Variants in SAMMSON observed in about 807,000 individuals in gnomAD.
SAMMSON encodes long intergenic non-protein coding RNA 1212.
chr3:70,226,408 G>T (rs1181190939), intron 4 of SAMMSON, among the ~76,000 whole-genome samples: 1 of 152,136 alleles, frequency 6.6e-6, no homozygotes. Context: ...ATATGCAGAA[G>T]GGTGTCTCAG....
intron 4 of SAMMSON, among the ~76,000 whole-genome samples, chr3:70,236,157 C>G (rs981788472): frequency 8.5e-5 from 13 of 152,192 alleles, no homozygotes; most frequent in African/African-American, 2.7e-4. Context: ...TTCTTCAACT[C>G]TCTCCTTCGC....
intron 3 of SAMMSON, among the ~76,000 whole-genome samples, chr3:70,030,004 A>G (rs2107583520): frequency 6.6e-6 from 1 of 152,298 alleles, no homozygotes; most frequent in East Asian, 1.9e-4. Context: ...CTTGATTTCA[A>G]TGATACTTTT....
intron 1 of SAMMSON, among the ~76,000 whole-genome samples, chr3:70,007,541 T>A (rs536118111): frequency 2.3e-3 from 345 of 152,338 alleles, no homozygotes; most frequent in African/African-American, 8.1e-3. Context: ...ATTCTGGATA[T>A]TAGCCCTTTG....
chr3:70,369,049 C>G (rs1003315886), intron 9 of SAMMSON, among the ~76,000 whole-genome samples: 1 of 151,510 alleles, frequency 6.6e-6, no homozygotes, highest in Non-Finnish European at 1.5e-5. Context: ...TTTCTATACA[C>G]AGACTTGTAT....
intron 3 of SAMMSON, among the ~76,000 whole-genome samples, chr3:70,035,540 C>G (rs191678282): frequency 3.2e-4 from 49 of 152,218 alleles, no homozygotes; most frequent in South Asian, 4.2e-4. Flanking sequence ...TGTTATCTAG[C>G]AATTCAGCAA....
chr3:70,292,642 A>G (rs1702249727), intron 7 of SAMMSON, among the ~76,000 whole-genome samples: 1 of 152,098 alleles, frequency 6.6e-6, no homozygotes, highest in South Asian at 2.1e-4. Context: ...ATAACTATTT[A>G]AACTCCCTAA....
intron 4 of SAMMSON, among the ~76,000 whole-genome samples, chr3:70,143,740 A>T (rs1488954700): frequency 6.6e-6 from 1 of 152,138 alleles, no homozygotes; most frequent in Non-Finnish European, 1.5e-5. Context: ...AGCTCCCTGC[A>T]GTTGCTAGCA....
At chr3:70,223,084 G>T (rs1249902665) in intron 4 of SAMMSON, among the ~76,000 whole-genome samples, 2 of 152,190 alleles carry the variant, frequency 1.3e-5, no homozygotes, top group African/African-American at 2.4e-5. Context: ...GATGGAAAAT[G>T]TGGCAAGTCT....
intron 3 of SAMMSON, among the ~76,000 whole-genome samples, chr3:70,059,987 C>T (rs997994523): frequency 1.3e-5 from 2 of 151,954 alleles, no homozygotes; most frequent in Admixed American, 1.3e-4. Context: ...TCATGGATAA[C>T]AAAAATCTAT....
chr3:70,148,419 T>G (rs1425409238), intron 4 of SAMMSON, among the ~76,000 whole-genome samples: 1 of 152,168 alleles, frequency 6.6e-6, no homozygotes, highest in Admixed American at 6.6e-5. Context: ...TTAAAAATCT[T>G]GTGCAATAGC....
chr3:70,212,050 G>A (rs1412171559), intron 4 of SAMMSON, among the ~76,000 whole-genome samples: 8 of 151,726 alleles, frequency 5.3e-5, no homozygotes, highest in African/African-American at 1.5e-4. Context: ...TTCCTACCCT[G>A]CCCTTGAAGG....
At chr3:70,092,393 C>T (rs2067307994) in intron 4 of SAMMSON, among the ~76,000 whole-genome samples, 1 of 151,726 alleles carries the variant, frequency 6.6e-6, no homozygotes, top group Admixed American at 6.6e-5. Context: ...TCATTTTTCA[C>T]CTGGAATAAC....
At chr3:70,433,563 T>A (rs1196232210) in intron 2 of SAMMSON, among the ~76,000 whole-genome samples, 1 of 152,182 alleles carries the variant, frequency 6.6e-6, no homozygotes, top group Non-Finnish European at 1.5e-5. Context: ...ACTTGTCCTT[T>A]ATCAGATACA....
intron 6 of SAMMSON, among the ~76,000 whole-genome samples, chr3:70,284,865 A>G (rs527613000): frequency 6.6e-6 from 1 of 152,278 alleles, no homozygotes; most frequent in African/African-American, 2.4e-5. Flanking sequence ...TTACCTATGT[A>G]ACAAACCTGC....
chr3:70,011,819 A>G (rs1035261395), intron 1 of SAMMSON, among the ~76,000 whole-genome samples: 2 of 152,106 alleles, frequency 1.3e-5, no homozygotes, highest in East Asian at 3.8e-4. Flanking sequence ...TGGAAAGCAC[A>G]GTGATCTCAG....
intron 4 of SAMMSON, among the ~76,000 whole-genome samples, chr3:70,187,608 T>A (rs193198248): frequency 6.6e-6 from 1 of 151,678 alleles, no homozygotes; most frequent in East Asian, 2.0e-4. Flanking sequence ...CGGCTAATTT[T>A]TGTATTTTTA....
chr3:70,363,655 A>G (rs2106741425), intron 9 of SAMMSON, among the ~76,000 whole-genome samples: 1 of 152,144 alleles, frequency 6.6e-6, no homozygotes, highest in African/African-American at 2.4e-5. Flanking sequence ...ATTAACTTAG[A>G]TATTTGATAC....
chr3:70,133,574 G>A (rs1286359579), intron 4 of SAMMSON, among the ~76,000 whole-genome samples: 4 of 152,170 alleles, frequency 2.6e-5, no homozygotes, highest in African/African-American at 9.7e-5. Context: ...TGAGTTAGAA[G>A]CACAGGTCAC....
chr3:70,005,240 T>C (rs1367642602), intron 1 of SAMMSON, among the ~76,000 whole-genome samples: 1 of 152,072 alleles, frequency 6.6e-6, no homozygotes, highest in African/African-American at 2.4e-5. Flanking sequence ...AGTTATATAT[T>C]GATGAATAAC....
Sources: gnomAD v4.1 joint callset for allele counts (sites outside exome capture counted in the v4.1 genomes callset) on GRCh38, gnomAD v4.1.1 for gene constraint, MANE v1.5 for transcripts, NCBI Gene and HGNC (gene_info 2026-07-23, HGNC 2026-07-21) for gene names.